NSUN6: variants seen among roughly 807,000 people sequenced by gnomAD.
The protein encoded by NSUN6 is tRNA (cytosine(72)-C(5))-methyltransferase NSUN6.
A neutral mutation model predicts 58.0 loss-of-function variants in NSUN6; 64 were observed. The observed-to-expected ratio is 1.10, with a 90% CI of 0.90 to 1.36. NSUN6 has a LOEUF of 1.36. Among genes scored for constraint, NSUN6 ranks in the 40% most tolerant of loss-of-function variants. The pLI, the probability that NSUN6 is intolerant of heterozygous loss-of-function variation, is 0.00. For synonymous variants in NSUN6, 231 were observed against 193.9 expected, an observed-to-expected ratio of 1.19 and a Z score of -1.59; for missense variants, 701 against 550.1, an observed-to-expected ratio of 1.27 and a Z score of -2.74.
At chr10:18,555,338 AGAGAATGGAATGGTATG>A (rs1353853974) in intron 8 of NSUN6, among the ~76,000 whole-genome samples, 2 of 149,122 alleles carry the variant, frequency 1.3e-5, no homozygotes, top group African/African-American at 4.9e-5. Flanking sequence ...GGAATGGAAT[AGAGAATGGAATGGTATG>A]GAGAATGGAA....
chr10:18,601,806 A>G (rs2057851110), intron 6 of NSUN6, among the ~76,000 whole-genome samples: 1 of 151,796 alleles, frequency 6.6e-6, no homozygotes, highest in Non-Finnish European at 1.5e-5. Flanking sequence ...CATGGTCCCC[A>G]TCTCTACTAA....
upstream of NSUN6, chr10:18,652,053 T>G (rs2059719309): frequency 1.0e-6 from 1 of 985,378 alleles, no homozygotes; most frequent in Non-Finnish European, 1.2e-6. Flanking sequence ...AGTTGTGAAG[T>G]TCATAGGGTT....
chr10:18,553,129 T>G (rs1283439046), intron 8 of NSUN6, among the ~76,000 whole-genome samples: 3 of 150,854 alleles, frequency 2.0e-5, no homozygotes, highest in Non-Finnish European at 4.4e-5. Context: ...CGATTCTCCA[T>G]TCCATTCCAT....
At chr10:18,604,873 A>G (rs553972929) in intron 6 of NSUN6, among the ~76,000 whole-genome samples, 11 of 149,940 alleles carry the variant, frequency 7.3e-5, no homozygotes, top group Admixed American at 3.3e-4. Context: ...GTGACAGAGC[A>G]AGACTCTTTC....
At chr10:18,627,001 A>G (rs1226925851) in intron 3 of NSUN6, among the ~76,000 whole-genome samples, 1 of 152,222 alleles carries the variant, frequency 6.6e-6, no homozygotes, top group African/African-American at 2.4e-5. Flanking sequence ...TTTTTGGCCT[A>G]AAAAGTTCTA....
At chr10:18,581,386 G>A (rs1215958100) in intron 8 of NSUN6, among the ~76,000 whole-genome samples, 1 of 152,150 alleles carries the variant, frequency 6.6e-6, no homozygotes, top group African/African-American at 2.4e-5. Flanking sequence ...AGTGACCTCT[G>A]GTGGTCCTCA....
chr10:18,597,905 C>T (rs34426898), intron 6 of NSUN6, among the ~76,000 whole-genome samples: 1,763 of 152,274 alleles, frequency 0.012, 36 homozygotes, highest in African/African-American at 0.041. Context: ...CAAATTTCTT[C>T]CTCTGAATAT....
At chr10:18,608,977 G>A (rs912926237) in intron 6 of NSUN6, among the ~76,000 whole-genome samples, 5 of 152,176 alleles carry the variant, frequency 3.3e-5, no homozygotes, top group African/African-American at 1.2e-4. Flanking sequence ...GTTCACACCA[G>A]AAATAATCCC....
rs191733970 is a variant in NSUN6, at chr10:18,606,285, T to G, written c.657+3560A>C. Among the ~76,000 whole-genome samples the G allele has an allele frequency of 4.3e-3, 648 of 152,232 alleles. 2 individuals are homozygous for G. The highest frequency in any genetic ancestry group is 5.6e-3 in the Admixed American group (85 of 15,280). ...TAAGGACACTTCATCTCTGTGGTAT[T>G]CTTCTCAAAAATCCAACAACCCCAG... On this transcript the variant is annotated intron_variant, in intron 6 of 10. Coordinates refer to ENST00000377304, the MANE Select transcript of NSUN6 (RefSeq NM_182543.5).
At chr10:18,625,345 G>A (rs1465579291) in intron 3 of NSUN6, among the ~76,000 whole-genome samples, 1 of 152,104 alleles carries the variant, frequency 6.6e-6, no homozygotes, top group African/African-American at 2.4e-5. Context: ...TACAGAAAAT[G>A]TAAGAGAAAA....
intron 7 of NSUN6, among the ~76,000 whole-genome samples, chr10:18,593,510 T>A (rs1253264551): frequency 6.6e-6 from 1 of 152,132 alleles, no homozygotes; most frequent in African/African-American, 2.4e-5. Context: ...ATAGACACCA[T>A]GGAATACTAA....
intron 8 of NSUN6, among the ~76,000 whole-genome samples, chr10:18,560,264 G>A (rs552223348): frequency 1.4e-3 from 210 of 149,908 alleles, no homozygotes; most frequent in African/African-American, 4.6e-3. Flanking sequence ...GATAATGGAC[G>A]GCAATGGAAT....
intron 2 of NSUN6, among the ~76,000 whole-genome samples, chr10:18,645,031 A>G (rs1349523834): frequency 2.1e-5 from 3 of 144,904 alleles, no homozygotes; most frequent in East Asian, 2.1e-4. Flanking sequence ...CTTTGAGCGC[A>G]CCTGTAATCC....
At position 18,545,964 on chromosome 10, in the gene NSUN6, A is replaced by G. The variant is rs1315492384; in HGVS notation, c.1379T>C (p.Ile460Thr). The G allele has an allele frequency of 1.9e-6, 3 of 1,584,196 alleles. No individual in the cohort carries two copies. The highest frequency in any genetic ancestry group is 2.2e-5 in the East Asian group (1 of 44,544). Residue 460 changes from isoleucine (I) to threonine (T), a missense_variant, in exon 11 of 11, where the codon ATT becomes ACT. Physicochemically the swap from Ile to Thr is moderately conservative, Grantham distance 89. Transcript: ENST00000377304. ...GCTTTTGCATTTTACAAATTTTGCA[A>G]TAAAAAAACCTATAGAGTCCTTATT... is the stretch of plus-strand genomic sequence containing the variant. ...LANKDSIGFF[I>T]AKFVKCKST
intron 6 of NSUN6, among the ~76,000 whole-genome samples, chr10:18,598,466 C>T (rs1262867342): frequency 6.6e-6 from 1 of 152,138 alleles, no homozygotes; most frequent in African/African-American, 2.4e-5. Context: ...ATTTTTGAGA[C>T]AGGATCTGGC....
At chr10:18,583,155 G>A (rs1304381766) in intron 8 of NSUN6, among the ~76,000 whole-genome samples, 3 of 152,174 alleles carry the variant, frequency 2.0e-5, no homozygotes, top group Non-Finnish European at 4.4e-5. Flanking sequence ...TGGCTGATCA[G>A]TCAACTTTGT....
intron 8 of NSUN6, among the ~76,000 whole-genome samples, chr10:18,572,797 C>A (rs1044663989): frequency 8.6e-5 from 13 of 151,384 alleles, no homozygotes; most frequent in African/African-American, 3.1e-4. Context: ...CCATTCCATT[C>A]CATACTCCAT....
rs770744018 is a variant in NSUN6 at position 18,596,309 on chromosome 10, C to G, written c.676G>C (p.Val226Leu). The change falls in exon 7 of 11, where the codon GTA becomes CTA. Residue 226 changes from valine (V) to leucine (L), a missense_variant. By Grantham distance (32) the Val-to-Leu change is conservative. Coordinates refer to ENST00000377304, the MANE Select transcript of NSUN6 (RefSeq NM_182543.5). ...GGTTGAGGATTTAGTACATGACTTA[C>G]TAAGGCAGATGGCAAATTCTATAAG... ...LFLQNLPSAL[V>L]SHVLNPQPGE... 12 of 1,588,224 alleles carry G rather than the reference C, an allele frequency of 7.6e-6. No individual in the cohort carries two copies. The highest frequency in any genetic ancestry group is 1.3e-5 in the African/African-American group (1 of 74,436).
intron 4 of NSUN6, 67 bp from the exon 5 acceptor site, chr10:18,614,680 G>C: frequency 1.3e-6 from 1 of 772,804 alleles, no homozygotes; most frequent in Non-Finnish European, 1.9e-6. Flanking sequence ...AAAATTATTT[G>C]AGCTAGATCG....
Sources: allele counts gnomAD v4.1 joint callset (sites outside exome capture counted in the v4.1 genomes callset), GRCh38; gene constraint gnomAD v4.1.1; transcripts MANE v1.5; gene names NCBI Gene and HGNC (gene_info 2026-07-23, HGNC 2026-07-21).